The following GNAI3 variants were observed in gnomAD, a reference collection of about 807,000 sequenced individuals.
GNAI3 encodes the protein G protein subunit alpha i3, also known as guanine nucleotide-binding protein G(i) subunit alpha-3.
GNAI3 carries 12 observed loss-of-function variants against 41.8 expected under a neutral mutation model. The observed-to-expected ratio is 0.29, with a 90% CI of 0.18 to 0.47. GNAI3 has a LOEUF of 0.47. Ranked by LOEUF, GNAI3 falls within the 20% of genes least tolerant of loss-of-function variation. The pLI, the probability that GNAI3 is intolerant of heterozygous loss-of-function variation, is 1.00. For synonymous variants in GNAI3, 132 were observed against 146.5 expected (o/e 0.90, Z 0.71); for missense variants, 360 against 429.6 (o/e 0.84, Z 1.43).
chr1:109,560,839 G>A (rs1648292653), intron 1 of GNAI3, among the ~76,000 whole-genome samples: 1 of 152,176 alleles, frequency 6.6e-6, no homozygotes, highest in Non-Finnish European at 1.5e-5. Context: ...GTGAGCCACT[G>A]CATCTGACCT....
At chr1:109,564,135 GGT>G (rs1648389579) in intron 1 of GNAI3, among the ~76,000 whole-genome samples, 1 of 151,204 alleles carries the variant, frequency 6.6e-6, no homozygotes, top group Admixed American at 6.6e-5. Flanking sequence ...AATATAGAAA[GGT>G]GTTTGTGGGA....
At chr1:109,580,382 C>T (rs538620305) in intron 4 of GNAI3, among the ~76,000 whole-genome samples, 15 of 152,190 alleles carry the variant, frequency 9.9e-5, no homozygotes, top group South Asian at 2.1e-4. Flanking sequence ...GATGAGGGCA[C>T]GTTTAAGCAT....
At chr1:109,574,089 A>C (rs753888932) in intron 3 of GNAI3, 52 bp downstream of exon 3, 4 of 1,408,320 alleles carry the variant, frequency 2.8e-6, no homozygotes, top group South Asian at 1.3e-5. Flanking sequence ...AGATACAGTT[A>C]AGTTAAGCAA....
Position 109,567,234 on chromosome 1 carries a change from G to C in GNAI3, c.119-6503G>C, listed in dbSNP as rs111824878. ...AATAGTGCCATACTGGGACTTGGCT[G>C]TCCAGACCTCTGGAAGAGGGACTAT... On this transcript the variant is annotated intron_variant, in intron 1 of 8. Transcript: ENST00000369851. 5.6e-3 allele frequency among the ~76,000 whole-genome samples: 855 copies of C among 152,256 alleles called. 8 individuals are homozygous for C. Among genetic ancestry groups the C allele is most frequent in the African/African-American group, 0.02 (834 of 41,560 alleles).
In GNAI3 at chr1:109,579,267, C is replaced by G. The variant is rs766902855; in HGVS notation, c.367C>G (p.Leu123Val). 9.3e-6 allele frequency: 15 copies of G among 1,611,400 alleles called. No individual in the cohort carries two copies. Among genetic ancestry groups the G allele is most frequent in the African/African-American group, 1.3e-5 (1 of 74,846 alleles). ...TGAAGAAGGAGTCATGACTCCAGAA[C>G]TAGCAGGAGTGATTAAACGGTTATG... Reference protein sequence around the residue: ...SAEEGVMTPELAGVIKRLWRD... With the variant: ...SAEEGVMTPEVAGVIKRLWRD... Residue 123 changes from leucine to valine, a missense_variant, in exon 4 of 9, where the codon CTA (leucine) becomes GTA (valine). Leu to Val is a conservative substitution (Grantham distance 32). Coordinates refer to ENST00000369851, the MANE Select transcript of GNAI3 (RefSeq NM_006496.4).
chr1:109,595,770 A>C lies in GNAI3; in HGVS notation c.*3448A>C, dbSNP rs1263900664. 1 of 152,014 alleles carries C rather than the reference A, an allele frequency of 6.6e-6. No individual in the cohort carries two copies. The highest frequency in any genetic ancestry group is 6.6e-5 in the Admixed American group (1 of 15,264). The allele number at this position is 152,014 out of a possible 1,614,324, so 9.4% of individuals were successfully genotyped here. On this transcript the variant is annotated 3_prime_UTR_variant, in exon 9 of 9. Coordinates refer to ENST00000369851, the MANE Select transcript of GNAI3 (RefSeq NM_006496.4). ...CTGTATTGCAGTCATATATAAGGTA[A>C]AGTCAGTCTCTTGTTCCTATTAAAA... is the stretch of plus-strand genomic sequence containing the variant.
chr1:109,549,112 T>C (rs1647911392), intron 1 of GNAI3, among the ~76,000 whole-genome samples: 1 of 151,972 alleles, frequency 6.6e-6, no homozygotes. Context: ...GGCCGGTAGA[T>C]GTTGAGGGAG....
At chr1:109,584,922 A>G (rs1648996340) in intron 5 of GNAI3, among the ~76,000 whole-genome samples, 1 of 152,254 alleles carries the variant, frequency 6.6e-6, no homozygotes, top group Admixed American at 6.5e-5. Flanking sequence ...GTGACCCTAT[A>G]TTAAAGCCAA....
intron 7 of GNAI3, among the ~76,000 whole-genome samples, chr1:109,587,688 C>G (rs1049872354): frequency 6.6e-6 from 1 of 152,128 alleles, no homozygotes; most frequent in East Asian, 1.9e-4. Flanking sequence ...CCTTATATCT[C>G]ATGCTGAGAC....
At position 109,599,721 on chromosome 1, in the gene GNAI3, T is replaced by C. The variant is rs1458859110; in HGVS notation, c.*7399T>C. 6.6e-6 allele frequency: 1 copy of C among 152,250 alleles called. No homozygotes were observed. Among genetic ancestry groups the C allele is most frequent in the Admixed American group, 6.5e-5 (1 of 15,282 alleles). The allele number at this position is 152,250 out of a possible 1,614,324, so 9.4% of individuals were successfully genotyped here. On this transcript the variant is annotated 3_prime_UTR_variant, in exon 9 of 9. Coordinates refer to ENST00000369851, the MANE Select transcript of GNAI3 (RefSeq NM_006496.4). The stretch of plus-strand genomic sequence containing the variant: ...ATATTTTTGTGATTTTATGCTGTTT[T>C]CATATTCTATTTTGAGATCTATTTG...
intron 1 of GNAI3, among the ~76,000 whole-genome samples, chr1:109,570,330 A>G (rs141428454): frequency 6.6e-6 from 1 of 152,238 alleles, no homozygotes; most frequent in Non-Finnish European, 1.5e-5. Context: ...TTTAGTAAAG[A>G]ATCATGGTTA....
chr1:109,590,389 T>C (rs949336870), intron 7 of GNAI3, among the ~76,000 whole-genome samples: 6 of 152,198 alleles, frequency 3.9e-5, no homozygotes, highest in African/African-American at 1.4e-4. Flanking sequence ...CTTCATTCTG[T>C]GTACAGATTC....
At chr1:109,591,928 A>G (rs1649182108) in intron 7 of GNAI3, 115 bp from the exon 8 acceptor site, 1 of 551,084 alleles carries the variant, frequency 1.8e-6, no homozygotes, top group Non-Finnish European at 3.3e-6. Flanking sequence ...AGAGAATTCT[A>G]CTCATATTTA....
rs1215430629 is a variant in GNAI3 at position 109,595,189 on chromosome 1, C to A, written c.*2867C>A. The stretch of plus-strand genomic sequence containing the variant: ...AGAATTCAGGTGCCTATGCTTTGGA[C>A]CATCAAAGAAGCCATTAGTCTCTGT... On this transcript the variant is annotated 3_prime_UTR_variant, in exon 9 of 9. Coordinates refer to ENST00000369851, the MANE Select transcript of GNAI3 (RefSeq NM_006496.4). The A allele has an allele frequency of 1.3e-5, 2 of 152,112 alleles. No homozygotes were observed. Among genetic ancestry groups the A allele is most frequent in the Admixed American group, 6.6e-5 (1 of 15,264 alleles). The allele number at this position is 152,112 out of a possible 1,614,324, so 9.4% of individuals were successfully genotyped here.
At position 109,596,267 on chromosome 1, in the gene GNAI3, T is replaced by TC; in HGVS notation, c.*3951dup. The stretch of plus-strand genomic sequence containing the variant: ...TTTAAGATCATTTCTCTCCCTCCTT[T>TC]CCCCCCAGTTTTCTCAACATTTATG... On this transcript the variant is annotated 3_prime_UTR_variant, in exon 9 of 9. Transcript: ENST00000369851. The TC allele has an allele frequency of 6.6e-6, 1 of 152,276 alleles. No homozygotes were observed. Among genetic ancestry groups the TC allele is most frequent in the Non-Finnish European group, 1.5e-5 (1 of 68,020 alleles). 9.4% of individuals were successfully genotyped at this position (152,276 alleles called of 1,614,324 possible).
Position 109,548,691 on chromosome 1 carries a change from C to T in GNAI3, c.-30C>T, listed in dbSNP as rs369464383. On this transcript the variant is annotated 5_prime_UTR_variant, in exon 1 of 9. Transcript: ENST00000369851. Reference sequence around the variant, plus strand: ...GCAGTTTCCGTGGTGTGAGTGAGTCCGGGCCCGTGTCCCCTCTCCCGCCGC... The same window carrying T: ...GCAGTTTCCGTGGTGTGAGTGAGTCTGGGCCCGTGTCCCCTCTCCCGCCGC... The T allele has an allele frequency of 6.0e-5, 89 of 1,495,462 alleles. No homozygotes were observed. The African/African-American group carries it at 1.1e-3, about 18-fold the overall frequency. 92.6% of individuals were successfully genotyped at this position (1,495,462 alleles called of 1,614,324 possible).
chr1:109,590,346 T>C (rs1430697449), intron 7 of GNAI3, among the ~76,000 whole-genome samples: 3 of 152,220 alleles, frequency 2.0e-5, no homozygotes, highest in Non-Finnish European at 2.9e-5. Context: ...ATTTTCTTTG[T>C]TGTTGTTAAC....
At position 109,573,953 on chromosome 1, in the gene GNAI3, C is replaced by T; in HGVS notation, c.219C>T (p.Val73=). 1 of 1,602,308 alleles carries T rather than the reference C, an allele frequency of 6.2e-7. No individual in the cohort carries two copies. Among genetic ancestry groups the T allele is most frequent in the Non-Finnish European group, 8.6e-7 (1 of 1,169,344 alleles). The change falls in exon 3 of 9, where the codon GTC becomes GTT. Residue 73 remains valine (V), a synonymous_variant. Coordinates refer to ENST00000369851, the MANE Select transcript of GNAI3 (RefSeq NM_006496.4). ...AATGTAAACAATATAAAGTAGTTGT[C>T]TACAGCAATACTATACAGTCCATCA... ...EDECKQYKVV[V]YSNTIQSIIA...
chr1:109,579,773 G>A (rs185136441), intron 4 of GNAI3, among the ~76,000 whole-genome samples: 55 of 152,262 alleles, frequency 3.6e-4, no homozygotes, highest in African/African-American at 1.2e-3. Context: ...TGTCTGGGCC[G>A]CACTATGGAC....
Sources: allele counts gnomAD v4.1 joint callset (sites outside exome capture counted in the v4.1 genomes callset), GRCh38; gene constraint gnomAD v4.1.1; transcripts MANE v1.5; gene names NCBI Gene and HGNC (gene_info 2026-07-23, HGNC 2026-07-21).